FOCAD: variants seen among roughly 807,000 people sequenced by gnomAD.
The protein encoded by FOCAD is focadhesin, also known as KIAA1797.
In FOCAD, 198 loss-of-function variants were observed where a neutral mutation model predicts 225.6. That is an observed-to-expected ratio of 0.88 (90% CI 0.78 to 0.99). The LOEUF is 0.99. Ranked by LOEUF, FOCAD falls within the 50% of genes least tolerant of loss-of-function variation. FOCAD has a pLI of 0.00. For synonymous variants in FOCAD, 897 were observed against 755.0 expected (o/e 1.19, Z -3.08); for missense variants, 2,713 against 2,123.6 (o/e 1.28, Z -5.46).
intron 18 of FOCAD, chr9:20,872,861 C>A (rs919646636): frequency 6.6e-6 from 1 of 152,158 alleles, no homozygotes; most frequent in Admixed American, 6.6e-5. Context: ...AATCTGCTTT[C>A]TGCCTCTGTA....
intron 4 of FOCAD, among the ~76,000 whole-genome samples, chr9:20,726,626 C>T (rs1017287681): frequency 1.3e-5 from 2 of 152,042 alleles, no homozygotes; most frequent in Non-Finnish European, 2.9e-5. Flanking sequence ...GTAGTGGGTC[C>T]TAAGTAAAGC....
intron 15 of FOCAD, among the ~76,000 whole-genome samples, chr9:20,841,016 C>T (rs891391362): frequency 2.6e-5 from 4 of 151,832 alleles, no homozygotes; most frequent in Admixed American, 6.6e-5. Context: ...TCTATTGATA[C>T]GATATGTCAT....
Position 20,926,357 on chromosome 9 carries a change from C to G in FOCAD, c.3018C>G (p.Leu1006=). ...KEWVSMVLDT[L]LVIVDSHYQP... ...GGGTTTCCATGGTACTTGATACACT[C>G]TTGGTCATTGTGGATAGCCATTACC... is the stretch of plus-strand genomic sequence containing the variant. The change falls in exon 26 of 44, where the codon CTC becomes CTG. Residue 1006 remains leucine, a synonymous_variant. Coordinates refer to ENST00000338382, the MANE Select transcript of FOCAD (RefSeq NM_001375567.1). 2 of 1,613,838 alleles carry G rather than the reference C, an allele frequency of 1.2e-6. No individual in the cohort carries two copies. Among genetic ancestry groups the G allele is most frequent in the East Asian group, 2.2e-5 (1 of 44,874 alleles).
intron 1 of FOCAD, among the ~76,000 whole-genome samples, chr9:20,688,104 T>C (rs2131332069): frequency 6.6e-6 from 1 of 152,328 alleles, no homozygotes; most frequent in East Asian, 1.9e-4. Context: ...ATAATGAAAG[T>C]TCTCTTCCAC....
chr9:20,797,056 CATTT>C (rs540919151), intron 11 of FOCAD, among the ~76,000 whole-genome samples: 8 of 152,326 alleles, frequency 5.3e-5, no homozygotes, highest in South Asian at 2.1e-4. Flanking sequence ...TTCCCACCAT[CATTT>C]ATTAAATAGG....
intron 14 of FOCAD, among the ~76,000 whole-genome samples, chr9:20,821,791 C>T (rs1294656679): frequency 6.6e-6 from 1 of 151,826 alleles, no homozygotes; most frequent in Non-Finnish European, 1.5e-5. Flanking sequence ...CTGGTAACGT[C>T]ATTCTCACTT....
rs558590778 is a variant in FOCAD at position 20,828,733 on chromosome 9, C to A, written c.1920+5618C>A. Among the ~76,000 whole-genome samples, 3 of 152,058 alleles carry A rather than the reference C, an allele frequency of 2.0e-5. No individual in the cohort carries two copies. The East Asian group carries it at 5.8e-4, about 29-fold the overall frequency. On this transcript the variant is annotated intron_variant, in intron 15 of 43. Transcript: ENST00000338382. ...GTTTGCTGCACCTATCAAACCATCA[C>A]CTAGGTGTTAATCCCAGCAGGCATT... is the stretch of plus-strand genomic sequence containing the variant.
chr9:20,807,323 A>G (rs898324480), intron 11 of FOCAD, among the ~76,000 whole-genome samples: 2 of 152,212 alleles, frequency 1.3e-5, no homozygotes, highest in African/African-American at 4.8e-5. Context: ...ATTAATTATT[A>G]TCTGTGTGTG....
rs567043267 is a variant in FOCAD, at chr9:20,785,400, C to T, written c.1197+3471C>T. Among the ~76,000 whole-genome samples, 3 of 152,190 alleles carry T rather than the reference C, an allele frequency of 2.0e-5. No homozygotes were observed. The East Asian group carries it at 5.8e-4, about 29-fold the overall frequency. On this transcript the variant is annotated intron_variant, in intron 10 of 43. Coordinates refer to ENST00000338382, the MANE Select transcript of FOCAD (RefSeq NM_001375567.1). ...ACTCTTAGTCATCACTCCCTAATTC[C>T]CCCCTTTTTTCCTCACCCCTCAGGC...
chr9:20,764,717 G>T lies in FOCAD; in HGVS notation c.495-152G>T, dbSNP rs1829908174. The T allele has an allele frequency of 4.6e-6, 3 of 651,264 alleles. No individual in the cohort carries two copies. In the South Asian group the frequency reaches 5.7e-5, roughly 12 times the overall value. 40.3% of individuals were successfully genotyped at this position (651,264 alleles called of 1,614,324 possible). ...AACTGTTTGGCATAGATGTAGGCAG[G>T]TCATAGCGGAATAGAAGAATCATAA... On this transcript the variant is annotated intron_variant, in intron 6 of 43. Coordinates refer to ENST00000338382, the MANE Select transcript of FOCAD (RefSeq NM_001375567.1).
chr9:20,986,370 T>C lies in FOCAD; in HGVS notation c.4811T>C (p.Leu1604Pro). 6.2e-7 allele frequency: 1 copy of C among 1,608,874 alleles called. No homozygotes were observed. The highest frequency in any genetic ancestry group is 8.5e-7 in the Non-Finnish European group (1 of 1,178,180). ...CCCTTGGTGAACCTGACCGATATGC[T>C]GAGCGTTGCTGTGCAGCACCGTGAG... is the stretch of plus-strand genomic sequence containing the variant. ...RFPLVNLTDM[L>P]SVAVQHREKE... is the part of the protein sequence containing the mutation. The change falls in exon 40 of 44, where the codon CTG (leucine) becomes CCG (proline). Residue 1604 changes from leucine to proline, a missense_variant. Leu to Pro is a moderately conservative substitution (Grantham distance 98, BLOSUM62 -3). Transcript: ENST00000338382.
chr9:20,807,965 C>T (rs921168046), intron 11 of FOCAD, among the ~76,000 whole-genome samples: 2 of 151,898 alleles, frequency 1.3e-5, no homozygotes, highest in South Asian at 4.2e-4. Context: ...GCATGAGAAT[C>T]GCTTGAACCC....
In FOCAD at chr9:20,874,729, G is replaced by T; in HGVS notation, c.2239G>T (p.Val747Phe). The T allele has an allele frequency of 6.2e-7, 1 of 1,613,614 alleles. No individual in the cohort carries two copies. The highest frequency in any genetic ancestry group is 1.3e-5 in the African/African-American group (1 of 75,014). ...IPEELDDDEDVEDVDLSVPGS... is the reference protein window; with the variant it reads ...IPEELDDDEDFEDVDLSVPGS... ...TGAAGAGTTAGATGACGATGAAGAT[G>T]TTGAGGATGTGGATCTTTCAGTTCC... Residue 747 changes from valine (V) to phenylalanine (F), a missense_variant, in exon 19 of 44, where the codon GTT becomes TTT. Physicochemically the swap from Val to Phe is conservative, Grantham distance 50. Coordinates refer to ENST00000338382, the MANE Select transcript of FOCAD (RefSeq NM_001375567.1).
At chr9:20,939,184 T>C (rs1401278039) in intron 28 of FOCAD, among the ~76,000 whole-genome samples, 1 of 135,528 alleles carries the variant, frequency 7.4e-6, no homozygotes, top group East Asian at 2.1e-4. Context: ...GGTTTGAATA[T>C]GAGTAAAGAA....
Position 20,715,309 on chromosome 9 carries a change from G to A in FOCAD, c.-32-13G>A. 7.4e-7 allele frequency: 1 copy of A among 1,344,570 alleles called. No individual in the cohort carries two copies. Among genetic ancestry groups the A allele is most frequent in the South Asian group, 1.8e-5 (1 of 56,418 alleles). 83.3% of individuals were successfully genotyped at this position (1,344,570 alleles called of 1,614,324 possible). A position where few individuals can be genotyped will look rare whatever the true frequency, so the allele number is the denominator to read the frequency against. On this transcript the variant is annotated splice_polypyrimidine_tract_variant and intron_variant, in intron 1 of 43. Transcript: ENST00000338382. ...TTGGAAGACTAACAAATATTCTTTT[G>A]TTTTGGTTACAGAAGCTGCACACAT...
At chr9:20,961,545 T>G (rs1397385647) in intron 35 of FOCAD, among the ~76,000 whole-genome samples, 1 of 152,196 alleles carries the variant, frequency 6.6e-6, no homozygotes, top group East Asian at 1.9e-4. Flanking sequence ...TCTTTGTCTC[T>G]AGGCCGTTTC....
At chr9:20,857,617 G>A (rs1039771409) in intron 15 of FOCAD, among the ~76,000 whole-genome samples, 1 of 151,644 alleles carries the variant, frequency 6.6e-6, no homozygotes, top group Non-Finnish European at 1.5e-5. Flanking sequence ...AGGATTTTCT[G>A]TATTATGTTG....
intron 6 of FOCAD, among the ~76,000 whole-genome samples, chr9:20,759,524 ACTGGATCCCTTC>A (rs1252025733): frequency 6.6e-6 from 1 of 152,214 alleles, no homozygotes; most frequent in Non-Finnish European, 1.5e-5. Context: ...GAAAGCTGAA[ACTGGATCCCTTC>A]CTTACACCTT....
At chr9:20,868,108 T>G (rs12003323) in intron 18 of FOCAD, among the ~76,000 whole-genome samples, 13,069 of 151,944 alleles carry the variant, frequency 0.086, 1,160 homozygotes, top group African/African-American at 0.23. Context: ...CTCATACAAT[T>G]AAAAAAGATG....
Sources: gnomAD v4.1 joint callset for allele counts (sites outside exome capture counted in the v4.1 genomes callset) on GRCh38, gnomAD v4.1.1 for gene constraint, MANE v1.5 for transcripts, NCBI Gene and HGNC (gene_info 2026-07-23, HGNC 2026-07-21) for gene names.